The following SHISA9 variants were observed in gnomAD, a reference collection of about 807,000 sequenced individuals.
SHISA9 encodes protein shisa-9.
Under a neutral mutation model 38.0 loss-of-function variants are expected in SHISA9, and 13 were observed. That is an observed-to-expected ratio of 0.34 (90% CI 0.22 to 0.54). The LOEUF (loss-of-function observed/expected upper bound fraction) is 0.54. Among genes scored for constraint, SHISA9 ranks in the 20% least tolerant of loss-of-function variants. The probability of loss-of-function intolerance (pLI) is 0.91; values close to 1 mark genes in which losing one functional copy is unlikely to be tolerated. For missense variants in SHISA9, 538 were observed against 575.8 expected (o/e 0.93, Z 0.67); for synonymous variants, 275 against 242.0 (o/e 1.14, Z -1.27).
At chr16:13,458,860 G>GTTTTT in the SHISA9 span, among the ~76,000 whole-genome samples, 1 of 151,010 alleles carries the variant, frequency 6.6e-6, no homozygotes, top group Non-Finnish European at 1.5e-5. Flanking sequence ...GTTTTGTTTT[G>GTTTTT]TTTTTTGTTT....
At chr16:13,002,690 A>G (rs1196535398) in intron 2 of SHISA9, among the ~76,000 whole-genome samples, 2 of 151,670 alleles carry the variant, frequency 1.3e-5, no homozygotes, top group African/African-American at 4.9e-5. Flanking sequence ...GCACCACCGC[A>G]CTGGGCTAAT....
At chr16:12,902,944 C>T (rs1337383850) in intron 1 of SHISA9, 4 of 309,660 alleles carry the variant, frequency 1.3e-5, no homozygotes, top group Non-Finnish European at 2.4e-5. Context: ...GCCTGGGAGC[C>T]CGTGGCCCCG....
Position 12,986,578 on chromosome 16 carries a change from T to C in SHISA9, c.691+69763T>C, listed in dbSNP as rs146745676. Among the ~76,000 whole-genome samples, 21 of 152,268 alleles carry C rather than the reference T, an allele frequency of 1.4e-4. No homozygotes were observed. The East Asian group carries it at 3.7e-3, about 27-fold the overall frequency. ...AGCTCGGAGGTCTTTTCAGACTGGATATTGGAGGGGATGGCTGAATCCCAC... is the reference window on the plus strand; with the variant it reads ...AGCTCGGAGGTCTTTTCAGACTGGACATTGGAGGGGATGGCTGAATCCCAC... On this transcript the variant is annotated intron_variant, in intron 2 of 4. Transcript: ENST00000558583.
chr16:13,116,637 T>A, intron 2 of SHISA9, among the ~76,000 whole-genome samples: 1 of 152,172 alleles, frequency 6.6e-6, no homozygotes, highest in East Asian at 1.9e-4. Context: ...GCATGGTGGG[T>A]GCTCAGCAAG....
At chr16:13,533,526 A>T in the SHISA9 span, among the ~76,000 whole-genome samples, 3 of 152,062 alleles carry the variant, frequency 2.0e-5, no homozygotes, top group South Asian at 6.2e-4. Context: ...AAAATTGATG[A>T]CCATCCTCTC....
At chr16:13,231,228 TC>T (rs1162441153) in intron 4 of SHISA9, among the ~76,000 whole-genome samples, 1 of 152,042 alleles carries the variant, frequency 6.6e-6, no homozygotes, top group Non-Finnish European at 1.5e-5. Context: ...GATGGGTGGT[TC>T]CCATGTGAGA....
At chr16:12,922,434 C>T (rs563185162) in intron 2 of SHISA9, among the ~76,000 whole-genome samples, 1 of 152,374 alleles carries the variant, frequency 6.6e-6, no homozygotes, top group African/African-American at 2.4e-5. Context: ...TCCTCTTTCA[C>T]CTCATACCCC....
At chr16:13,243,901 T>C (rs2142098148), downstream of SHISA9, among the ~76,000 whole-genome samples, 1 of 151,544 alleles carries the variant, frequency 6.6e-6, no homozygotes, top group South Asian at 2.1e-4. Context: ...GCCTCCCTAG[T>C]AGCTGGGACT....
chr16:13,229,651 A>C (rs546236967), intron 4 of SHISA9, among the ~76,000 whole-genome samples: 3 of 152,198 alleles, frequency 2.0e-5, no homozygotes, highest in Non-Finnish European at 4.4e-5. Context: ...ATTTCCATGT[A>C]CTGCCAGGAC....
the SHISA9 span, among the ~76,000 whole-genome samples, chr16:13,557,972 G>C: frequency 2.0e-5 from 3 of 152,094 alleles, no homozygotes; most frequent in Non-Finnish European, 4.4e-5. Flanking sequence ...ATAGGCTTCC[G>C]ATCACCTGAT....
chr16:13,160,346 G>C (rs940177300), intron 2 of SHISA9, among the ~76,000 whole-genome samples: 4 of 152,186 alleles, frequency 2.6e-5, no homozygotes, highest in Admixed American at 1.3e-4. Flanking sequence ...AGTCAGACCT[G>C]TGCCTTCTAC....
chr16:13,025,749 C>G (rs1434950869), intron 2 of SHISA9, among the ~76,000 whole-genome samples: 1 of 152,064 alleles, frequency 6.6e-6, no homozygotes, highest in East Asian at 1.9e-4. Flanking sequence ...TTATTTTTTA[C>G]TTTTTATTTT....
intron 2 of SHISA9, among the ~76,000 whole-genome samples, chr16:12,935,783 A>G (rs1333608450): frequency 6.7e-6 from 1 of 149,232 alleles, no homozygotes; most frequent in Non-Finnish European, 1.5e-5. Context: ...GGGGAGGTTG[A>G]GGCTGCAGTA....
intron 2 of SHISA9, among the ~76,000 whole-genome samples, chr16:13,143,424 G>C (rs890218497): frequency 5.3e-5 from 8 of 152,148 alleles, no homozygotes; most frequent in Non-Finnish European, 1.2e-4. Context: ...GAGCCATCCA[G>C]GAAGGAAGCA....
the SHISA9 span, among the ~76,000 whole-genome samples, chr16:13,467,354 C>T: frequency 2.0e-5 from 3 of 152,192 alleles, no homozygotes; most frequent in Non-Finnish European, 2.9e-5. Context: ...TCTCCTCCTA[C>T]CTTAGACATC....
the SHISA9 span, among the ~76,000 whole-genome samples, chr16:13,346,075 T>C: frequency 1.3e-5 from 2 of 152,186 alleles, no homozygotes; most frequent in Non-Finnish European, 2.9e-5. Context: ...TATTGTATAT[T>C]GTACCCATTA....
chr16:13,192,110 A>C (rs2050890918), intron 2 of SHISA9, among the ~76,000 whole-genome samples: 1 of 152,168 alleles, frequency 6.6e-6, no homozygotes, highest in Admixed American at 6.5e-5. Flanking sequence ...TTTCTAAGTG[A>C]ACTAACTCAG....
the SHISA9 span, among the ~76,000 whole-genome samples, chr16:13,443,545 A>C: frequency 1.3e-5 from 2 of 152,204 alleles, no homozygotes. Context: ...AACATAAATG[A>C]CAGTGATTGT....
chr16:13,305,802 A>G, the SHISA9 span, among the ~76,000 whole-genome samples: 30 of 152,386 alleles, frequency 2.0e-4, no homozygotes, highest in African/African-American at 6.5e-4. Context: ...GCAAGTCCCT[A>G]TGCTAGCCCA....
Sources: allele counts gnomAD v4.1 joint callset (sites outside exome capture counted in the v4.1 genomes callset), GRCh38; gene constraint gnomAD v4.1.1; transcripts MANE v1.5; gene names NCBI Gene and HGNC (gene_info 2026-07-23, HGNC 2026-07-21).